The following GPT2 variants were observed in gnomAD, a reference collection of about 807,000 sequenced individuals.
The protein encoded by GPT2 is alanine aminotransferase 2.
In GPT2, 30 loss-of-function variants were observed where a neutral mutation model predicts 56.9. That is an observed-to-expected ratio of 0.53 (90% confidence interval 0.39 to 0.72). GPT2 has a LOEUF of 0.72. Ranked by LOEUF, GPT2 falls within the 30% of genes least tolerant of loss-of-function variation. GPT2 has a pLI of 0.00. For missense variants in GPT2, 542 were observed against 703.4 expected, an observed-to-expected ratio of 0.77 and a Z score of 2.60; for synonymous variants, 271 against 283.1, an observed-to-expected ratio of 0.96 and a Z score of 0.43.
chr16:46,921,917 A>T (rs1221104258), intron 8 of GPT2, among the ~76,000 whole-genome samples: 1 of 152,094 alleles, frequency 6.6e-6, no homozygotes, highest in African/African-American at 2.4e-5. Flanking sequence ...CCACCTACAC[A>T]CAGGTGTGGC....
At chr16:46,900,877 C>T (rs766447054) in intron 4 of GPT2, 87 bp downstream of exon 4, 4 of 1,039,682 alleles carry the variant, frequency 3.8e-6, no homozygotes, top group Admixed American at 3.8e-5. Context: ...GTCCTGCATG[C>T]GAATGGGTGT....
intron 10 of GPT2, 136 bp from the exon 11 acceptor site, chr16:46,926,789 G>A: frequency 2.0e-6 from 1 of 512,020 alleles, no homozygotes; most frequent in East Asian, 3.3e-5. Flanking sequence ...GTCTGGCCCT[G>A]GTCCTCTAGG....
chr16:46,920,635 G>A (rs1258061705), intron 8 of GPT2, among the ~76,000 whole-genome samples: 1 of 152,220 alleles, frequency 6.6e-6, no homozygotes, highest in Admixed American at 6.5e-5. Flanking sequence ...TAAGCGTGAA[G>A]CTCAAAGGAA....
chr16:46,929,069 C>G lies in GPT2; in HGVS notation c.*72C>G. On this transcript the variant is annotated 3_prime_UTR_variant, in exon 12 of 12. Coordinates refer to ENST00000340124, the MANE Select transcript of GPT2 (RefSeq NM_133443.4). ...AATGCCCGTCAGGCTGAACTCGCCT[C>G]CCCCGTGACTCTGCCTCGGGCCTCG... The G allele has an allele frequency of 8.3e-7, 1 of 1,208,296 alleles. No homozygotes were observed. 74.8% of individuals were successfully genotyped at this position (1,208,296 alleles called of 1,614,324 possible). A position where few individuals can be genotyped will look rare whatever the true frequency, so the allele number is the denominator to read the frequency against.
In GPT2 at chr16:46,900,780, G is replaced by A. The variant is rs1960802513; in HGVS notation, c.432G>A (p.Gly144=). ...GGCGGATCCTGCAGGCTTGTGGCGG[G>A]AACAGCCTGGGTGAGGCCCCAACTT... The part of the protein sequence containing the change: ...RARRILQACG[G]NSLGSYSASQ... The change falls in exon 4 of 12, where the codon GGG becomes GGA. Residue 144 remains glycine (G), a synonymous_variant. Transcript: ENST00000340124. The A allele has an allele frequency of 3.1e-6, 5 of 1,613,728 alleles. No individual in the cohort carries two copies. Among genetic ancestry groups the A allele is most frequent in the South Asian group, 2.2e-5 (2 of 91,064 alleles).
chr16:46,914,514 G>T (rs1961104334), intron 6 of GPT2, among the ~76,000 whole-genome samples: 1 of 152,210 alleles, frequency 6.6e-6, no homozygotes, highest in South Asian at 2.1e-4. Context: ...TCCAGCCTGG[G>T]TGACAGAGTG....
At chr16:46,917,319 A>G (rs1029412900) in intron 7 of GPT2, among the ~76,000 whole-genome samples, 2 of 152,168 alleles carry the variant, frequency 1.3e-5, no homozygotes, top group African/African-American at 4.8e-5. Flanking sequence ...TTGAGGGCCA[A>G]TTGAGGGGGC....
intron 11 of GPT2, among the ~76,000 whole-genome samples, chr16:46,928,429 C>T (rs1461925215): frequency 5.3e-5 from 8 of 151,962 alleles, no homozygotes; most frequent in Non-Finnish European, 8.8e-5. Context: ...TCGAGACCAG[C>T]CTGGTCAACA....
intron 3 of GPT2, among the ~76,000 whole-genome samples, chr16:46,899,036 T>TATA (rs1567335294): frequency 1.1e-4 from 7 of 62,306 alleles, no homozygotes; most frequent in Admixed American, 1.7e-4. Context: ...TATATATATA[T>TATA]TTTTTTTTTT....
chr16:46,929,080 C>A lies in GPT2; in HGVS notation c.*83C>A. The A allele has an allele frequency of 9.3e-7, 1 of 1,075,060 alleles. No homozygotes were observed. The highest frequency in any genetic ancestry group is 1.3e-5 in the South Asian group (1 of 78,742). The allele number at this position is 1,075,060 out of a possible 1,614,324, so 66.6% of individuals were successfully genotyped here. A position where few individuals can be genotyped will look rare whatever the true frequency, so the allele number is the denominator to read the frequency against. ...GGCTGAACTCGCCTCCCCCGTGACT[C>A]TGCCTCGGGCCTCGCAGAGGCCGCT... On this transcript the variant is annotated 3_prime_UTR_variant, in exon 12 of 12. Transcript: ENST00000340124.
intron 4 of GPT2, among the ~76,000 whole-genome samples, chr16:46,904,052 T>C (rs1029761576): frequency 1.1e-4 from 16 of 152,148 alleles, no homozygotes; most frequent in Admixed American, 6.5e-5. Flanking sequence ...TCCATGTGAC[T>C]GAATGAAGGG....
chr16:46,904,501 C>T (rs1426200486), intron 4 of GPT2, among the ~76,000 whole-genome samples: 3 of 152,064 alleles, frequency 2.0e-5, no homozygotes, highest in African/African-American at 4.8e-5. Context: ...GGCAGGCCTC[C>T]GGGAGACAGA....
At chr16:46,893,589 T>C (rs1960625062) in intron 2 of GPT2, among the ~76,000 whole-genome samples, 1 of 152,224 alleles carries the variant, frequency 6.6e-6, no homozygotes, top group Non-Finnish European at 1.5e-5. Context: ...ACCCTCATGC[T>C]GGTGCGAGGC....
chr16:46,884,664 G>A (rs1960445323), intron 1 of GPT2, 30 bp from the exon 2 acceptor site: 1 of 1,359,518 alleles, frequency 7.4e-7, no homozygotes, highest in Non-Finnish European at 9.5e-7. Context: ...AGTGCGCGAC[G>A]TGTTTGTTCT....
intron 3 of GPT2, 52 bp downstream of exon 3, chr16:46,897,789 GC>G (rs1960712817): frequency 4.5e-6 from 7 of 1,555,876 alleles, no homozygotes; most frequent in Non-Finnish European, 6.2e-6. Context: ...CCTGGGCTGG[GC>G]GGGCCGTCAT....
intron 2 of GPT2, among the ~76,000 whole-genome samples, chr16:46,895,992 C>T (rs1055777907): frequency 3.3e-5 from 5 of 152,206 alleles, no homozygotes; most frequent in African/African-American, 1.2e-4. Flanking sequence ...GGGGAAGGGG[C>T]AGCTGGAGAC....
At chr16:46,899,643 A>C (rs1401723822) in intron 3 of GPT2, among the ~76,000 whole-genome samples, 1 of 152,126 alleles carries the variant, frequency 6.6e-6, no homozygotes, top group Non-Finnish European at 1.5e-5. Context: ...AATGAATCAG[A>C]CCACACAGAG....
intron 4 of GPT2, among the ~76,000 whole-genome samples, chr16:46,903,507 C>G (rs1490752810): frequency 1.3e-5 from 2 of 151,944 alleles, no homozygotes; most frequent in African/African-American, 4.8e-5. Context: ...TAGGGTCTCA[C>G]TGTTGTCCAG....
In GPT2 at chr16:46,916,528, G is replaced by A. The variant is rs1471057826; in HGVS notation, c.821-100G>A. ...GGGGAGGGTGTTCTATGGGTCTCAA[G>A]GGAACACAGGGCACTGAGTGATTCT... On this transcript the variant is annotated intron_variant, in intron 6 of 11. Transcript: ENST00000340124. 3 of 877,240 alleles carry A rather than the reference G, an allele frequency of 3.4e-6. No individual in the cohort carries two copies. In the East Asian group the frequency reaches 7.3e-5, roughly 21 times the overall value. 54.3% of individuals were successfully genotyped at this position (877,240 alleles called of 1,614,324 possible).
Sources: allele counts gnomAD v4.1 joint callset (sites outside exome capture counted in the v4.1 genomes callset), GRCh38; gene constraint gnomAD v4.1.1; transcripts MANE v1.5; gene names NCBI Gene and HGNC (gene_info 2026-07-23, HGNC 2026-07-21).